Variants in FAM20A observed in about 807,000 individuals in gnomAD.
FAM20A encodes the protein pseudokinase FAM20A.
Under a neutral mutation model 52.0 loss-of-function variants are expected in FAM20A, and 42 were observed. That is an observed-to-expected ratio of 0.81 (90% CI 0.63 to 1.04). The LOEUF is 1.04. Ranked by LOEUF, FAM20A falls within the 50% of genes least tolerant of loss-of-function variation. The probability of loss-of-function intolerance (pLI) is 0.00; values close to 1 mark genes in which losing one functional copy is unlikely to be tolerated. For synonymous variants in FAM20A, 304 were observed against 298.9 expected (o/e 1.02, Z -0.18); for missense variants, 742 against 712.7 (o/e 1.04, Z -0.47).
chr17:68,600,148 C>A lies in FAM20A; in HGVS notation c.404+115G>T. 2.4e-6 allele frequency: 3 copies of A among 1,263,908 alleles called. No homozygotes were observed. Among genetic ancestry groups the A allele is most frequent in the Non-Finnish European group, 3.2e-6 (3 of 930,880 alleles). The allele number at this position is 1,263,908 out of a possible 1,614,324, so 78.3% of individuals were successfully genotyped here. A position where few individuals can be genotyped will look rare whatever the true frequency, so the allele number is the denominator to read the frequency against. Reference sequence around the variant, plus strand: ...TCTAAGCCCAGCGCCAGGGCTGGAGCCGTGGGTGGAGCCGCTGCAGCCCTG... The same window carrying A: ...TCTAAGCCCAGCGCCAGGGCTGGAGACGTGGGTGGAGCCGCTGCAGCCCTG... On this transcript the variant is annotated intron_variant, in intron 1 of 10. Coordinates refer to ENST00000592554, the MANE Select transcript of FAM20A (RefSeq NM_017565.4). This position sits in a 1 kb window ranked among gnomAD's most constrained non-coding sequence, Gnocchi z 6.2.
At chr17:68,572,857 C>CG (rs1190288713) in intron 1 of FAM20A, among the ~76,000 whole-genome samples, 5 of 152,152 alleles carry the variant, frequency 3.3e-5, no homozygotes, top group African/African-American at 1.2e-4. Flanking sequence ...TCTGCCTCCT[C>CG]GCCCATTTAT....
At chr17:68,543,057 C>T (rs1211531313) in intron 5 of FAM20A, among the ~76,000 whole-genome samples, 1 of 152,138 alleles carries the variant, frequency 6.6e-6, no homozygotes, top group Non-Finnish European at 1.5e-5. Context: ...GGCAAACCTT[C>T]CCACCATCCC....
intron 4 of FAM20A, among the ~76,000 whole-genome samples, chr17:68,550,059 C>T (rs6501548): frequency 0.18 from 27,987 of 151,908 alleles, 2,689 homozygotes; most frequent in African/African-American, 0.22. Context: ...CTAGTGTAAC[C>T]GGTTACAACG....
intron 1 of FAM20A, among the ~76,000 whole-genome samples, chr17:68,574,280 G>C (rs895591384): frequency 5.9e-5 from 9 of 152,154 alleles, no homozygotes; most frequent in Non-Finnish European, 1.0e-4. Flanking sequence ...GCCCAGGCTG[G>C]TCTCAAACTC....
At chr17:68,571,830 T>C (rs1035221292) in intron 1 of FAM20A, among the ~76,000 whole-genome samples, 1 of 151,408 alleles carries the variant, frequency 6.6e-6, no homozygotes, top group Admixed American at 6.6e-5. Flanking sequence ...AGTACAAAAT[T>C]ACGAATACAA....
intron 1 of FAM20A, among the ~76,000 whole-genome samples, chr17:68,575,815 CACACACACACACACACAT>C (rs1233440355): frequency 4.5e-5 from 6 of 134,512 alleles, no homozygotes; most frequent in African/African-American, 1.1e-4. Context: ...CACACACACA[CACACACACACACACACAT>C]AATCAGCCAT....
intron 7 of FAM20A, chr17:68,541,496 C>T: frequency 5.3e-6 from 1 of 189,286 alleles, no homozygotes; most frequent in Non-Finnish European, 1.1e-5. Flanking sequence ...GACGGCTTGA[C>T]TGATGGATCG....
chr17:68,556,831 A>G (rs2087064810), intron 1 of FAM20A, among the ~76,000 whole-genome samples: 1 of 152,128 alleles, frequency 6.6e-6, no homozygotes, highest in African/African-American at 2.4e-5. Flanking sequence ...TGCAGTTCCT[A>G]TATATCCCTG....
At chr17:68,541,816 A>G in intron 7 of FAM20A, 169 bp downstream of exon 7, 1 of 742,108 alleles carries the variant, frequency 1.3e-6, no homozygotes, top group East Asian at 2.5e-5. Context: ...TAAATGAACT[A>G]AAGGGGAGAA....
intron 1 of FAM20A, among the ~76,000 whole-genome samples, chr17:68,578,203 T>G (rs921866152): frequency 6.6e-6 from 1 of 152,172 alleles, no homozygotes; most frequent in African/African-American, 2.4e-5. Flanking sequence ...TACCAGAATA[T>G]ATTTATTTTC....
intron 1 of FAM20A, among the ~76,000 whole-genome samples, chr17:68,564,444 C>G (rs1227454060): frequency 6.6e-6 from 1 of 152,206 alleles, no homozygotes; most frequent in East Asian, 1.9e-4. Flanking sequence ...TAACCAGAAA[C>G]AACCAGCTTT....
intron 1 of FAM20A, among the ~76,000 whole-genome samples, chr17:68,573,475 CT>C (rs2087629435): frequency 8.0e-6 from 1 of 125,752 alleles, no homozygotes; most frequent in Non-Finnish European, 1.8e-5. Context: ...TTCTTTCTTT[CT>C]CTTTCTTTCT....
Position 68,539,365 on chromosome 17 carries a change from T to C in FAM20A, c.1333A>G (p.Ile445Val), listed in dbSNP as rs1309355498. Residue 445 changes from isoleucine to valine, a missense_variant, in exon 10 of 11, where the codon ATC (isoleucine) becomes GTC (valine). Transcript: ENST00000592554. ...FGRHSHDEISILSPLSQCCMI... is the reference protein window; with the variant it reads ...FGRHSHDEISVLSPLSQCCMI... ...CAGCACTGGGAGAGAGGCGAGAGGA[T>C]GGAGATTTCATCATGGGAGTGTCGT... is the stretch of plus-strand genomic sequence containing the variant. The C allele has an allele frequency of 1.2e-6, 2 of 1,613,946 alleles. No homozygotes were observed. Among genetic ancestry groups the C allele is most frequent in the African/African-American group, 2.7e-5 (2 of 74,876 alleles).
rs531423714 is a variant in FAM20A at position 68,574,041 on chromosome 17, C to A, written c.405-18298G>T. 2.0e-5 allele frequency among the ~76,000 whole-genome samples: 3 copies of A among 151,958 alleles called. No homozygotes were observed. The South Asian group carries it at 6.3e-4, about 32-fold the overall frequency. ...AGGTTGAGGGGCATATCTGATGAGA[C>A]CCTTCTTGGTGGTGGGAACTCTCTC... is the stretch of plus-strand genomic sequence containing the variant. On this transcript the variant is annotated intron_variant, in intron 1 of 10. Coordinates refer to ENST00000592554, the MANE Select transcript of FAM20A (RefSeq NM_017565.4).
At chr17:68,548,784 G>A (rs953289285) in intron 4 of FAM20A, among the ~76,000 whole-genome samples, 4 of 140,120 alleles carry the variant, frequency 2.9e-5, no homozygotes, top group African/African-American at 8.1e-5. Flanking sequence ...CTGGGCTGGA[G>A]TGCAGTGGCT....
intron 1 of FAM20A, among the ~76,000 whole-genome samples, chr17:68,577,964 A>T (rs2087820810): frequency 6.6e-6 from 1 of 152,044 alleles, no homozygotes; most frequent in South Asian, 2.1e-4. Context: ...TCAATCTTCC[A>T]ACTGTGTAAT....
intron 1 of FAM20A, chr17:68,591,742 T>TTGGGG (rs1555575393): frequency 6.6e-6 from 1 of 152,054 alleles, no homozygotes; most frequent in Non-Finnish European, 1.5e-5. Context: ...ACTGGGAGGA[T>TTGGGG]GGGGGTGGAG....
intron 1 of FAM20A, among the ~76,000 whole-genome samples, chr17:68,581,457 CTTTCCTTT>C (rs1319068898): frequency 2.4e-4 from 10 of 41,034 alleles, no homozygotes; most frequent in African/African-American, 6.4e-4. Context: ...TCTTTTCTTT[CTTTCCTTT>C]CTTTCTTTCT....
At chr17:68,547,999 G>A (rs141124071) in intron 4 of FAM20A, among the ~76,000 whole-genome samples, 1 of 146,984 alleles carries the variant, frequency 6.8e-6, no homozygotes, top group Non-Finnish European at 1.5e-5. Context: ...GCCCTTGTTG[G>A]GTTACTAACT....
Sources: allele counts gnomAD v4.1 joint callset (sites outside exome capture counted in the v4.1 genomes callset), GRCh38; gene constraint gnomAD v4.1.1; non-coding constraint Gnocchi (gnomAD v3.1); transcripts MANE v1.5; gene names NCBI Gene and HGNC (gene_info 2026-07-23, HGNC 2026-07-21).